Variants in DOCK2 observed in about 807,000 individuals in gnomAD.
The protein encoded by DOCK2 is dedicator of cytokinesis 2, also known as dedicator of cytokinesis protein 2.
Under a neutral mutation model 248.9 loss-of-function variants are expected in DOCK2, and 87 were observed. The ratio of observed to expected loss-of-function variants is 0.35; its 90% CI spans 0.29 to 0.42. DOCK2 has a LOEUF of 0.42. Among genes scored for constraint, DOCK2 ranks in the 10% least tolerant of loss-of-function variants. The probability of loss-of-function intolerance (pLI) is 1.00; values close to 1 mark genes in which losing one functional copy is unlikely to be tolerated. For synonymous variants in DOCK2, 805 were observed against 821.6 expected, an observed-to-expected ratio of 0.98 and a Z score of 0.35; for missense variants, 1,747 against 2,300.2, an observed-to-expected ratio of 0.76 and a Z score of 4.92.
intron 22 of DOCK2, among the ~76,000 whole-genome samples, chr5:169,740,088 T>C (rs549476140): frequency 6.6e-6 from 1 of 152,376 alleles, no homozygotes; most frequent in Admixed American, 6.5e-5. Flanking sequence ...TTACATAAAG[T>C]GTGCAGCTCC....
chr5:169,670,472 AG>A, intron 3 of DOCK2, 69 bp from the exon 4 acceptor site: 1 of 1,542,632 alleles, frequency 6.5e-7, no homozygotes, highest in Non-Finnish European at 8.8e-7. Context: ...ATAAAGACGT[AG>A]GGTCATTCAT....
At chr5:169,671,545 C>T (rs1759051076) in intron 5 of DOCK2, among the ~76,000 whole-genome samples, 1 of 152,240 alleles carries the variant, frequency 6.6e-6, no homozygotes, top group Admixed American at 6.5e-5. Flanking sequence ...GCTGATAACA[C>T]ATTGAGAAAT....
intron 7 of DOCK2, among the ~76,000 whole-genome samples, chr5:169,683,563 C>G (rs924299119): frequency 1.3e-5 from 2 of 152,122 alleles, no homozygotes; most frequent in African/African-American, 4.8e-5. Context: ...TATATGAGAG[C>G]TTTAGTTGCT....
chr5:169,717,578 G>A, intron 21 of DOCK2, 94 bp downstream of exon 21: 1 of 1,141,306 alleles, frequency 8.8e-7, no homozygotes, highest in Non-Finnish European at 1.3e-6. Context: ...TTTCTTTTGT[G>A]ACTCATCTGT....
At chr5:169,639,184 G>A (rs1482369885) in intron 1 of DOCK2, among the ~76,000 whole-genome samples, 1 of 152,138 alleles carries the variant, frequency 6.6e-6, no homozygotes, top group Non-Finnish European at 1.5e-5. Context: ...TAGAATAGAA[G>A]GAAAATGGGT....
intron 34 of DOCK2, among the ~76,000 whole-genome samples, chr5:170,030,697 G>A (rs1303303240): frequency 6.6e-6 from 1 of 152,238 alleles, no homozygotes; most frequent in African/African-American, 2.4e-5. Flanking sequence ...ATAGAGGACA[G>A]TCAATTTGTA....
intron 7 of DOCK2, among the ~76,000 whole-genome samples, chr5:169,683,418 A>C (rs1403505825): frequency 2.0e-5 from 3 of 151,726 alleles, no homozygotes; most frequent in African/African-American, 4.9e-5. Context: ...TTCTGTAGAG[A>C]TGGGTTTTCA....
chr5:170,078,571 G>T (rs1181131040), intron 48 of DOCK2, among the ~76,000 whole-genome samples: 1 of 152,192 alleles, frequency 6.6e-6, no homozygotes, highest in Non-Finnish European at 1.5e-5. Flanking sequence ...CAAGGTCTCT[G>T]CGAAGACCTC....
At chr5:169,673,177 T>C (rs995677081) in intron 5 of DOCK2, among the ~76,000 whole-genome samples, 14 of 151,996 alleles carry the variant, frequency 9.2e-5, no homozygotes, top group African/African-American at 3.1e-4. Context: ...AATCATGTGA[T>C]TGGGGGTTTG....
intron 25 of DOCK2, among the ~76,000 whole-genome samples, chr5:169,796,139 T>A (rs1561703896): frequency 2.6e-5 from 4 of 152,192 alleles, no homozygotes; most frequent in Non-Finnish European, 5.9e-5. Flanking sequence ...GACTGAGCCC[T>A]GACACAGATG....
intron 26 of DOCK2, 113 bp from the exon 27 acceptor site, chr5:169,840,644 T>C: frequency 1.3e-6 from 1 of 768,814 alleles, no homozygotes; most frequent in South Asian, 1.5e-5. Context: ...GGTGGTGGTG[T>C]TGGTGATGGT....
chr5:170,034,246 A>G (rs1232281408), intron 34 of DOCK2, among the ~76,000 whole-genome samples, 153 bp from the exon 35 acceptor site: 4 of 152,070 alleles, frequency 2.6e-5, no homozygotes, highest in African/African-American at 7.2e-5. Flanking sequence ...GCTGCACTAT[A>G]TGGATAAATA....
At chr5:170,074,725 G>A (rs963033193) in intron 46 of DOCK2, among the ~76,000 whole-genome samples, 7 of 152,098 alleles carry the variant, frequency 4.6e-5, no homozygotes, top group Admixed American at 6.5e-5. Flanking sequence ...TGTTCTAATT[G>A]TTCTAGAGGA....
intron 27 of DOCK2, among the ~76,000 whole-genome samples, chr5:169,951,820 G>T (rs976802412): frequency 6.6e-6 from 1 of 152,048 alleles, no homozygotes; most frequent in African/African-American, 2.4e-5. Flanking sequence ...ATCATTTTAT[G>T]GATGACAAAA....
chr5:169,997,894 C>A (rs1223431034), intron 30 of DOCK2: 1 of 455,714 alleles, frequency 2.2e-6, no homozygotes, highest in East Asian at 6.9e-5. Flanking sequence ...AGCTGAGCAA[C>A]TTCAGGCAAG....
chr5:169,782,317 C>T (rs1023244877), intron 25 of DOCK2, among the ~76,000 whole-genome samples: 1 of 152,026 alleles, frequency 6.6e-6, no homozygotes, highest in Non-Finnish European at 1.5e-5. Context: ...GTTTGGGGTA[C>T]AAGCAGGAGA....
intron 29 of DOCK2, among the ~76,000 whole-genome samples, chr5:169,986,976 A>T (rs191411250): frequency 1.3e-5 from 2 of 152,076 alleles, no homozygotes; most frequent in Non-Finnish European, 2.9e-5. Context: ...AAGAGCAAAC[A>T]CTAACTCAAA....
intron 33 of DOCK2, among the ~76,000 whole-genome samples, chr5:170,020,900 C>T (rs990853958): frequency 6.6e-6 from 1 of 152,224 alleles, no homozygotes. Context: ...TAGAGATTCC[C>T]AGTGCATATT....
intron 25 of DOCK2, among the ~76,000 whole-genome samples, chr5:169,780,461 C>G (rs1765652307): frequency 6.6e-6 from 1 of 152,168 alleles, no homozygotes; most frequent in Admixed American, 6.5e-5. Flanking sequence ...CTGGCAGCTT[C>G]TGGGCAGGTT....
Sources: allele counts gnomAD v4.1 joint callset (sites outside exome capture counted in the v4.1 genomes callset), GRCh38; gene constraint gnomAD v4.1.1; transcripts MANE v1.5; gene names NCBI Gene and HGNC (gene_info 2026-07-23, HGNC 2026-07-21).